Variants in OR5AS1 observed in about 807,000 individuals in gnomAD.
The protein encoded by OR5AS1 is olfactory receptor 5AS1.
For missense variants in OR5AS1, 492 were observed against 378.2 expected (o/e 1.30, Z -2.50); for synonymous variants, 196 against 141.7 (o/e 1.38, Z -2.72).
rs1261312584 is a variant in OR5AS1 at position 56,030,628 on chromosome 11, C to G, written c.210C>G (p.Asp70Glu). The change falls in exon 2 of 2, where the codon GAC becomes GAG. Residue 70 changes from aspartate to glutamate, a missense_variant. Coordinates refer to ENST00000641320, the MANE Select transcript of OR5AS1 (RefSeq NM_001001921.2). ...TTCTTAGCAACTTATCTTTCTTAGA[C>G]ATCAGCTGTTCTACAGCAATCACTC... The part of the protein sequence containing the change: ...YYFLSNLSFL[D>E]ISCSTAITPK... The G allele has an allele frequency of 6.4e-7, 1 of 1,553,808 alleles. No individual in the cohort carries two copies. The highest frequency in any genetic ancestry group is 8.7e-7 in the Non-Finnish European group (1 of 1,152,708).
At position 56,036,938 on chromosome 11, in the gene OR5AS1, C is replaced by T. The variant is rs184208888; in HGVS notation, c.*5545C>T. The T allele has an allele frequency of 1.3e-3, 195 of 152,160 alleles. No individual in the cohort carries two copies. The highest frequency in any genetic ancestry group is 4.6e-3 in the African/African-American group (191 of 41,486). 9.4% of individuals were successfully genotyped at this position (152,160 alleles called of 1,614,324 possible). A position where few individuals can be genotyped will look rare whatever the true frequency, so the allele number is the denominator to read the frequency against. On this transcript the variant is annotated 3_prime_UTR_variant, in exon 2 of 2. Coordinates refer to ENST00000641320, the MANE Select transcript of OR5AS1 (RefSeq NM_001001921.2). ...ATCCACCAATCAAATTGGCTTTATC[C>T]CTGGGATGCAAGGCTGGCTTAACAT...
rs759348029 is a variant in OR5AS1 at position 56,030,684 on chromosome 11, G to A, written c.266G>A (p.Arg89Lys). Residue 89 changes from arginine to lysine, a missense_variant, in exon 2 of 2, where the codon AGG (arginine) becomes AAG (lysine). Physicochemically the swap from Arg to Lys is conservative, Grantham distance 26. Coordinates refer to ENST00000641320, the MANE Select transcript of OR5AS1 (RefSeq NM_001001921.2). ...ATGCTGGCAAACTTCTTGGCATCCAGGAAAAGCATCTCTCCTTATGGGTGT... is the reference window on the plus strand; with the variant it reads ...ATGCTGGCAAACTTCTTGGCATCCAAGAAAAGCATCTCTCCTTATGGGTGT... ...PKMLANFLAS[R>K]KSISPYGCAL... 3.8e-6 allele frequency: 6 copies of A among 1,593,646 alleles called. No individual in the cohort carries two copies. In the African/African-American group the frequency reaches 4.0e-5, roughly 11 times the overall value.
chr11:56,028,017 T>G (rs558381196), intron 1 of OR5AS1, among the ~76,000 whole-genome samples: 1 of 152,064 alleles, frequency 6.6e-6, no homozygotes, highest in South Asian at 2.1e-4. Context: ...AACAATGGTG[T>G]AATAATTTTC....
Position 56,030,985 on chromosome 11 carries a change from T to C in OR5AS1, c.567T>C (p.Cys189=), listed in dbSNP as rs1009062732. ...TCCCACCTCTTCTGGCTTTATCATG[T>C]ACAGACACTCAGATCAACCAGCTTC... is the stretch of plus-strand genomic sequence containing the variant. ...CDIPPLLALS[C]TDTQINQLLL... Residue 189 remains cysteine (C), a synonymous_variant, in exon 2 of 2, where the codon TGT becomes TGC. Coordinates refer to ENST00000641320, the MANE Select transcript of OR5AS1 (RefSeq NM_001001921.2). 3.1e-6 allele frequency: 5 copies of C among 1,614,202 alleles called. No homozygotes were observed. The highest frequency in any genetic ancestry group is 4.2e-6 in the Non-Finnish European group (5 of 1,180,032).
chr11:56,031,153 C>T lies in OR5AS1; in HGVS notation c.735C>T (p.Leu245=). Residue 245 remains leucine (L), a synonymous_variant, in exon 2 of 2, where the codon CTC becomes CTT. Transcript: ENST00000641320. ...SKTFSTCASH[L]IAVTLFYGAL... ...CATTCTCCACTTGTGCTTCCCACCTCATAGCAGTCACCTTATTCTATGGAG... is the reference window on the plus strand; with the variant it reads ...CATTCTCCACTTGTGCTTCCCACCTTATAGCAGTCACCTTATTCTATGGAG... 2 of 1,614,102 alleles carry T rather than the reference C, an allele frequency of 1.2e-6. No homozygotes were observed. The highest frequency in any genetic ancestry group is 2.2e-5 in the South Asian group (2 of 91,088).
rs1244873387 is a variant in OR5AS1 at position 56,031,036 on chromosome 11, C to G, written c.618C>G (p.Ile206Met). 7 of 1,614,136 alleles carry G rather than the reference C, an allele frequency of 4.3e-6. No homozygotes were observed. The highest frequency in any genetic ancestry group is 5.1e-6 in the Non-Finnish European group (6 of 1,180,006). ...TGCTCTTTGCTTTGTGCAGCTTCAT[C>G]CAGACCAGCACTTTTGTGGTAATAT... ...QLLLFALCSF[I>M]QTSTFVVIFI... Residue 206 changes from isoleucine to methionine, a missense_variant, in exon 2 of 2, where the codon ATC becomes ATG. Physicochemically the swap from Ile to Met is conservative, Grantham distance 10. Transcript: ENST00000641320.
rs1275039390 is a variant in OR5AS1 at position 56,035,513 on chromosome 11, A to T, written c.*4120A>T. The T allele has an allele frequency of 1.3e-5, 2 of 152,142 alleles. No homozygotes were observed. Among genetic ancestry groups the T allele is most frequent in the Admixed American group, 1.3e-4 (2 of 15,270 alleles). The allele number at this position is 152,142 out of a possible 1,614,324, so 9.4% of individuals were successfully genotyped here. Reference sequence around the variant, plus strand: ...ATCCTAGTCTCTGATAAAACAGACTATAACCAAAAAAGATCAAAAGAGATA... The same window carrying T: ...ATCCTAGTCTCTGATAAAACAGACTTTAACCAAAAAAGATCAAAAGAGATA... On this transcript the variant is annotated 3_prime_UTR_variant, in exon 2 of 2. Coordinates refer to ENST00000641320, the MANE Select transcript of OR5AS1 (RefSeq NM_001001921.2).
chr11:56,030,706 G>T lies in OR5AS1; in HGVS notation c.288G>T (p.Gly96=). The change falls in exon 2 of 2, where the codon GGG becomes GGT. Residue 96 remains glycine, a synonymous_variant. Transcript: ENST00000641320. ...CCAGGAAAAGCATCTCTCCTTATGGGTGTGCACTACAAATGTTTTTCTTCG... is the reference window on the plus strand; with the variant it reads ...CCAGGAAAAGCATCTCTCCTTATGGTTGTGCACTACAAATGTTTTTCTTCG... ...LASRKSISPY[G]CALQMFFFAS... 1 of 1,609,456 alleles carries T rather than the reference G, an allele frequency of 6.2e-7. No individual in the cohort carries two copies. The highest frequency in any genetic ancestry group is 1.3e-5 in the African/African-American group (1 of 74,832).
At position 56,033,268 on chromosome 11, in the gene OR5AS1, G is replaced by A. The variant is rs61889981; in HGVS notation, c.*1875G>A. On this transcript the variant is annotated 3_prime_UTR_variant, in exon 2 of 2. Coordinates refer to ENST00000641320, the MANE Select transcript of OR5AS1 (RefSeq NM_001001921.2). ...CCCCAGTGGCACCTGGAATGCCAGC[G>A]AGACAGAACCATTCACTCCCCTGGA... The A allele has an allele frequency of 0.059, 9,267 of 157,674 alleles. 378 individuals are homozygous for A. Among genetic ancestry groups the A allele is most frequent in the Non-Finnish European group, 0.08 (5,814 of 72,670 alleles). 9.8% of individuals were successfully genotyped at this position (157,674 alleles called of 1,614,324 possible).
rs1476815719 is a variant in OR5AS1, at chr11:56,032,099, G to A, written c.*706G>A. ...TTCTCAAGAAATTAGAAGACATGTA[G>A]CAATAGTCTCATTATTATTAAGTCA... On this transcript the variant is annotated 3_prime_UTR_variant, in exon 2 of 2. Coordinates refer to ENST00000641320, the MANE Select transcript of OR5AS1 (RefSeq NM_001001921.2). 6.6e-6 allele frequency: 1 copy of A among 152,076 alleles called. No individual in the cohort carries two copies. The highest frequency in any genetic ancestry group is 2.4e-5 in the African/African-American group (1 of 41,340). 9.4% of individuals were successfully genotyped at this position (152,076 alleles called of 1,614,324 possible).
At position 56,031,397 on chromosome 11, in the gene OR5AS1, AC is replaced by A. The variant is rs747680581; in HGVS notation, c.*7del. 2.0e-6 allele frequency: 3 copies of A among 1,485,734 alleles called. No homozygotes were observed. Among genetic ancestry groups the A allele is most frequent in the Admixed American group, 4.2e-5 (2 of 48,038 alleles). The allele number at this position is 1,485,734 out of a possible 1,614,324, so 92.0% of individuals were successfully genotyped here. A position where few individuals can be genotyped will look rare whatever the true frequency, so the allele number is the denominator to read the frequency against. ...TTTAAGAATAGTCAATATCTAACTT[AC>A]CCTTCCAATCTCATAAACAGCAATT... On this transcript the variant is annotated 3_prime_UTR_variant, in exon 2 of 2. Coordinates refer to ENST00000641320, the MANE Select transcript of OR5AS1 (RefSeq NM_001001921.2).
chr11:56,030,965 C>A lies in OR5AS1; in HGVS notation c.547C>A (p.Pro183Thr), dbSNP rs1351853859. The change falls in exon 2 of 2, where the codon CCT becomes ACT. Residue 183 changes from proline (P) to threonine (T), a missense_variant. Pro to Thr is a conservative substitution (Grantham distance 38). Coordinates refer to ENST00000641320, the MANE Select transcript of OR5AS1 (RefSeq NM_001001921.2). ...CAATCATTTTTTCTGTGATATCCCA[C>A]CTCTTCTGGCTTTATCATGTACAGA... ...IVNHFFCDIP[P>T]LLALSCTDTQ... The A allele has an allele frequency of 8.7e-6, 14 of 1,613,960 alleles. No homozygotes were observed. The highest frequency in any genetic ancestry group is 1.2e-5 in the Non-Finnish European group (14 of 1,179,974).
In OR5AS1 at chr11:56,036,999, G is replaced by A. The variant is rs1853412584; in HGVS notation, c.*5606G>A. The stretch of plus-strand genomic sequence containing the variant: ...ATAAACGTAACCCATCTCATAAACA[G>A]AACCAATGACAAAAGCACATGTTTA... On this transcript the variant is annotated 3_prime_UTR_variant, in exon 2 of 2. Transcript: ENST00000641320. 1 of 152,052 alleles carries A rather than the reference G, an allele frequency of 6.6e-6. No homozygotes were observed. 9.4% of individuals were successfully genotyped at this position (152,052 alleles called of 1,614,324 possible). A position where few individuals can be genotyped will look rare whatever the true frequency, so the allele number is the denominator to read the frequency against.
rs565196925 is a variant in OR5AS1, at chr11:56,037,094, A to G, written c.*5701A>G. ...TCGTGCTAAAAACTCTCAATAAACTAGGTATTGACAAACATATCTCCAAAT... is the reference window on the plus strand; with the variant it reads ...TCGTGCTAAAAACTCTCAATAAACTGGGTATTGACAAACATATCTCCAAAT... On this transcript the variant is annotated 3_prime_UTR_variant, in exon 2 of 2. Coordinates refer to ENST00000641320, the MANE Select transcript of OR5AS1 (RefSeq NM_001001921.2). 6.6e-6 allele frequency: 1 copy of G among 152,200 alleles called. No homozygotes were observed. Among genetic ancestry groups the G allele is most frequent in the South Asian group, 2.1e-4 (1 of 4,826 alleles). The allele number at this position is 152,200 out of a possible 1,614,324, so 9.4% of individuals were successfully genotyped here. A position where few individuals can be genotyped will look rare whatever the true frequency, so the allele number is the denominator to read the frequency against.
chr11:56,029,048 T>C (rs1414107340), intron 1 of OR5AS1, among the ~76,000 whole-genome samples: 1 of 152,108 alleles, frequency 6.6e-6, no homozygotes, highest in Admixed American at 6.5e-5. Flanking sequence ...TCAAGTTATT[T>C]GCTCTTCTAA....
In OR5AS1 at chr11:56,031,028, A is replaced by G. The variant is rs773645218; in HGVS notation, c.610A>G (p.Ser204Gly). The change falls in exon 2 of 2, where the codon AGC becomes GGC. Residue 204 changes from serine (S) to glycine (G), a missense_variant. Coordinates refer to ENST00000641320, the MANE Select transcript of OR5AS1 (RefSeq NM_001001921.2). The stretch of plus-strand genomic sequence containing the variant: ...CCAGCTTCTGCTCTTTGCTTTGTGC[A>G]GCTTCATCCAGACCAGCACTTTTGT... ...INQLLLFALCSFIQTSTFVVI... is the reference protein window; with the variant it reads ...INQLLLFALCGFIQTSTFVVI... The G allele has an allele frequency of 6.2e-7, 1 of 1,614,156 alleles. No homozygotes were observed. The highest frequency in any genetic ancestry group is 8.5e-7 in the Non-Finnish European group (1 of 1,180,026).
Position 56,031,190 on chromosome 11 carries a change from A to G in OR5AS1, c.772A>G (p.Met258Val), listed in dbSNP as rs771532690. Residue 258 changes from methionine (M) to valine (V), a missense_variant, in exon 2 of 2, where the codon ATG becomes GTG. Coordinates refer to ENST00000641320, the MANE Select transcript of OR5AS1 (RefSeq NM_001001921.2). The part of the protein sequence containing the change: ...VTLFYGALLF[M>V]YLQPTTSYSL... ...CTTATTCTATGGAGCGCTCCTGTTT[A>G]TGTACTTACAGCCCACCACTAGCTA... The G allele has an allele frequency of 1.2e-6, 2 of 1,613,830 alleles. No homozygotes were observed. Among genetic ancestry groups the G allele is most frequent in the Non-Finnish European group, 1.7e-6 (2 of 1,179,934 alleles).
chr11:56,029,086 C>A (rs1330177991), intron 1 of OR5AS1, among the ~76,000 whole-genome samples: 1 of 152,026 alleles, frequency 6.6e-6, no homozygotes, highest in African/African-American at 2.4e-5. Flanking sequence ...AGAAGGCTGG[C>A]TTCTCTTTTC....
At chr11:56,029,800 A>G (rs1853329251) in intron 1 of OR5AS1, among the ~76,000 whole-genome samples, 1 of 152,070 alleles carries the variant, frequency 6.6e-6, no homozygotes, top group African/African-American at 2.4e-5. Flanking sequence ...CATCTTAACT[A>G]TCACAGAAAG....
Sources: gnomAD v4.1 joint callset for allele counts (sites outside exome capture counted in the v4.1 genomes callset) on GRCh38, gnomAD v4.1.1 for gene constraint, MANE v1.5 for transcripts, NCBI Gene and HGNC (gene_info 2026-07-23, HGNC 2026-07-21) for gene names.